The following MACROD2 variants were observed in gnomAD, a reference collection of about 807,000 sequenced individuals.
MACROD2 encodes the protein mono-ADP ribosylhydrolase 2.
Under a neutral mutation model 70.4 loss-of-function variants are expected in MACROD2, and 36 were observed. That is an observed-to-expected ratio of 0.51 (90% CI 0.39 to 0.68). The LOEUF is 0.68. Among genes scored for constraint, MACROD2 ranks in the 30% least tolerant of loss-of-function variants. MACROD2 has a pLI of 0.00. For synonymous variants in MACROD2, 172 were observed against 178.8 expected (o/e 0.96, Z 0.30); for missense variants, 496 against 538.4 (o/e 0.92, Z 0.78).
At chr20:15,667,585 A>T (rs1173774929) in intron 8 of MACROD2, among the ~76,000 whole-genome samples, 1 of 152,134 alleles carries the variant, frequency 6.6e-6, no homozygotes, top group African/African-American at 2.4e-5. Flanking sequence ...TGCATCTCCA[A>T]AGAATATAGA....
intron 7 of MACROD2, among the ~76,000 whole-genome samples, chr20:15,482,292 A>C (rs574001811): frequency 6.6e-6 from 1 of 152,322 alleles, no homozygotes; most frequent in South Asian, 2.1e-4. Context: ...CAGATACCAC[A>C]CCAAAGAAGA....
intron 3 of MACROD2, among the ~76,000 whole-genome samples, chr20:14,193,103 C>T (rs936026777): frequency 2.6e-5 from 4 of 152,192 alleles, no homozygotes; most frequent in African/African-American, 9.7e-5. Context: ...ACAATCTTAT[C>T]TGGTAGAAGA....
At chr20:15,299,833 C>G (rs1252551545) in intron 6 of MACROD2, among the ~76,000 whole-genome samples, 1 of 152,204 alleles carries the variant, frequency 6.6e-6, no homozygotes, top group African/African-American at 2.4e-5. Flanking sequence ...TGGGAACCCA[C>G]CTGGGGTCTA....
chr20:15,289,606 G>T lies in MACROD2; in HGVS notation c.540+59545G>T, dbSNP rs1255624226. Among the ~76,000 whole-genome samples the T allele has an allele frequency of 2.0e-5, 3 of 152,152 alleles. No homozygotes were observed. In the East Asian group the frequency reaches 5.8e-4, roughly 29 times the overall value. ...AGATGGAGCTAAACAGGTCATCAGA[G>T]GTAGATCTTGAAAAGCCCTTCATGT... On this transcript the variant is annotated intron_variant, in intron 6 of 17. Transcript: ENST00000684519.
intron 5 of MACROD2, among the ~76,000 whole-genome samples, chr20:14,768,692 C>T (rs1349443072): frequency 6.6e-6 from 1 of 151,480 alleles, no homozygotes; most frequent in Non-Finnish European, 1.5e-5. Flanking sequence ...TCTCGGCTCA[C>T]TGCAGCCTCT....
intron 8 of MACROD2, among the ~76,000 whole-genome samples, chr20:15,834,846 C>T (rs1239938386): frequency 6.6e-6 from 1 of 152,202 alleles, no homozygotes; most frequent in Non-Finnish European, 1.5e-5. Flanking sequence ...GACTCTCCCC[C>T]ACTGACATTC....
intron 5 of MACROD2, among the ~76,000 whole-genome samples, chr20:14,990,832 T>C (rs1048228553): frequency 6.6e-6 from 1 of 152,146 alleles, no homozygotes; most frequent in African/African-American, 2.4e-5. Context: ...TTTCTTAAAC[T>C]TAATCTGCAA....
chr20:14,122,023 A>G (rs1341183870), intron 3 of MACROD2, among the ~76,000 whole-genome samples: 5 of 152,190 alleles, frequency 3.3e-5, no homozygotes, highest in Non-Finnish European at 7.4e-5. Context: ...CTGCTATATA[A>G]AAGACATTAA....
intron 5 of MACROD2, among the ~76,000 whole-genome samples, chr20:15,073,907 AT>A (rs2075638243): frequency 6.6e-6 from 1 of 152,202 alleles, no homozygotes. Flanking sequence ...ATAGAAAAAA[AT>A]GATGTACTTT....
intron 5 of MACROD2, among the ~76,000 whole-genome samples, chr20:14,754,706 C>A (rs2071917044): frequency 1.3e-5 from 2 of 151,542 alleles, no homozygotes; most frequent in African/African-American, 4.9e-5. Flanking sequence ...AAAATATTTT[C>A]TTTGGTTTAT....
In MACROD2 at chr20:15,461,006, A is replaced by ATATATATATATATTTTTTTT; in HGVS notation, c.571+29572_571+29573insATATATATATATTTTTTTTT. On this transcript the variant is annotated intron_variant, in intron 7 of 17. Transcript: ENST00000684519. The stretch of plus-strand genomic sequence containing the variant: ...TATATATATATATATATATATATAT[A>ATATATATATATATTTTTTTT]TTTTTTTTTAATAGATGGGGTCTTG... 5.0e-3 allele frequency among the ~76,000 whole-genome samples: 333 copies of ATATATATATATATTTTTTTT among 66,796 alleles called. 4 individuals carry two copies. Among genetic ancestry groups the ATATATATATATATTTTTTTT allele is most frequent in the South Asian group, 9.6e-3 (14 of 1,460 alleles). 43.8% of individuals were successfully genotyped at this position (66,796 alleles called of 152,430 possible).
intron 3 of MACROD2, among the ~76,000 whole-genome samples, chr20:14,251,085 A>G (rs2082008609): frequency 1.3e-5 from 2 of 152,158 alleles, no homozygotes; most frequent in South Asian, 4.1e-4. Context: ...TTCTAGATTC[A>G]TAAAATTAAG....
intron 15 of MACROD2, among the ~76,000 whole-genome samples, chr20:15,996,373 G>A (rs565578021): frequency 6.6e-6 from 1 of 152,170 alleles, no homozygotes; most frequent in Admixed American, 6.5e-5. Flanking sequence ...GAATTTGGAA[G>A]TCTTCCCTTC....
intron 7 of MACROD2, among the ~76,000 whole-genome samples, chr20:15,486,867 C>T (rs1293085086): frequency 6.6e-6 from 1 of 152,182 alleles, no homozygotes; most frequent in Non-Finnish European, 1.5e-5. Context: ...GCATTACAAA[C>T]AACCTCTAAA....
chr20:15,258,178 G>A (rs759638858), intron 6 of MACROD2, among the ~76,000 whole-genome samples: 9 of 152,018 alleles, frequency 5.9e-5, no homozygotes, highest in Non-Finnish European at 1.3e-4. Flanking sequence ...AACAAATTTT[G>A]ATTTTATAAA....
chr20:14,606,785 G>T (rs183467093), intron 4 of MACROD2, among the ~76,000 whole-genome samples: 79 of 152,046 alleles, frequency 5.2e-4, no homozygotes, highest in Non-Finnish European at 6.3e-4. Context: ...TTTCTTGTTT[G>T]TCCCAAGGCT....
intron 5 of MACROD2, among the ~76,000 whole-genome samples, chr20:15,076,159 C>T (rs1180487128): frequency 6.6e-6 from 1 of 152,098 alleles, no homozygotes; most frequent in Non-Finnish European, 1.5e-5. Context: ...TTGTGTTCCA[C>T]TTGCTTTCCT....
At chr20:15,854,627 G>C (rs1207110083) in intron 8 of MACROD2, among the ~76,000 whole-genome samples, 1 of 152,184 alleles carries the variant, frequency 6.6e-6, no homozygotes, top group Non-Finnish European at 1.5e-5. Flanking sequence ...GCGGTGATTT[G>C]TCATGTGGCA....
At chr20:15,894,850 T>G (rs769563891) in intron 10 of MACROD2, among the ~76,000 whole-genome samples, 8 of 152,218 alleles carry the variant, frequency 5.3e-5, no homozygotes, top group Non-Finnish European at 1.2e-4. Context: ...GCTGCAATAA[T>G]TCACCCAAGA....
Sources: allele counts gnomAD v4.1 joint callset (sites outside exome capture counted in the v4.1 genomes callset), GRCh38; gene constraint gnomAD v4.1.1; transcripts MANE v1.5; gene names NCBI Gene and HGNC (gene_info 2026-07-23, HGNC 2026-07-21).